TNRC6B: variants seen among roughly 807,000 people sequenced by gnomAD.
TNRC6B encodes the protein trinucleotide repeat-containing gene 6B protein.
TNRC6B carries 52 observed loss-of-function variants against 203.6 expected under a neutral mutation model. The observed-to-expected ratio is 0.26, with a 90% confidence interval of 0.20 to 0.32. The LOEUF is 0.32. Ranked by LOEUF, TNRC6B falls within the 10% of genes least tolerant of loss-of-function variation. The pLI is 1.00. For missense variants in TNRC6B, 1,923 were observed against 2,286.2 expected (o/e 0.84, Z 3.24); for synonymous variants, 838 against 845.7 (o/e 0.99, Z 0.16).
At chr22:40,301,486 T>A in intron 15 of TNRC6B, 153 bp downstream of exon 15, 1 of 841,990 alleles carries the variant, frequency 1.2e-6, no homozygotes, top group Non-Finnish European at 1.8e-6. Flanking sequence ...CATCTGAGGC[T>A]TCTTGAGTTT....
chr22:40,169,806 G>A (rs1275832381), intron 4 of TNRC6B, among the ~76,000 whole-genome samples: 1 of 152,004 alleles, frequency 6.6e-6, no homozygotes, highest in African/African-American at 2.4e-5. Context: ...CGTGTTTATA[G>A]GAAAAATTAA....
intron 1 of TNRC6B, among the ~76,000 whole-genome samples, chr22:40,071,204 A>T (rs905055423): frequency 1.3e-5 from 2 of 152,112 alleles, no homozygotes; most frequent in African/African-American, 4.8e-5. Context: ...ACACCTCTTC[A>T]CAAAGCTCAA....
At chr22:40,108,614 A>C (rs1323331563) in intron 1 of TNRC6B, among the ~76,000 whole-genome samples, 3 of 152,208 alleles carry the variant, frequency 2.0e-5, no homozygotes, top group Admixed American at 2.0e-4. Context: ...GAGTTTTTCC[A>C]GACATGTGAT....
At chr22:40,277,194 T>A (rs1314840814) in intron 8 of TNRC6B, 43 bp downstream of exon 8, 15 of 1,458,796 alleles carry the variant, frequency 1.0e-5, no homozygotes, top group Non-Finnish European at 1.4e-5. Context: ...TCCCAACTTT[T>A]AGGTTTAATA....
At position 40,120,640 on chromosome 22, in the gene TNRC6B, G is replaced by A. The variant is rs562080987; in HGVS notation, c.-47+3512G>A. The stretch of plus-strand genomic sequence containing the variant: ...GAACTTAATTCTGAGGAGGATACAT[G>A]TCAGATATAAGTTGAGATCAAAGGG... On this transcript the variant is annotated intron_variant, in intron 2 of 23. Coordinates refer to the TNRC6B transcript ENST00000301923. Among the ~76,000 whole-genome samples, 5 of 152,326 alleles carry A rather than the reference G, an allele frequency of 3.3e-5. No individual in the cohort carries two copies. In the South Asian group the frequency reaches 6.2e-4, roughly 19 times the overall value.
intron 12 of TNRC6B, among the ~76,000 whole-genome samples, chr22:40,286,556 A>C (rs1839232621): frequency 6.6e-6 from 1 of 152,146 alleles, no homozygotes; most frequent in African/African-American, 2.4e-5. Context: ...TTATTCTGAA[A>C]ATGTTGAGGA....
rs1325642993 is a variant in TNRC6B at position 40,251,205 on chromosome 22, G to A, written c.115+5G>A. On this transcript the variant is annotated splice_donor_5th_base_variant and intron_variant, in intron 3 of 22. Coordinates refer to ENST00000454349, the MANE Select transcript of TNRC6B (RefSeq NM_001162501.2). ...TCACGGAACAAAAAACCAAAGGTAA[G>A]ATCTTTTTTTTCTTTTTAAATTATT... The A allele has an allele frequency of 6.5e-7, 1 of 1,530,454 alleles. No homozygotes were observed. Among genetic ancestry groups the A allele is most frequent in the Non-Finnish European group, 8.8e-7 (1 of 1,135,270 alleles). 94.8% of individuals were successfully genotyped at this position (1,530,454 alleles called of 1,614,324 possible). A position where few individuals can be genotyped will look rare whatever the true frequency, so the allele number is the denominator to read the frequency against.
chr22:40,315,261 CCTTA>C lies in TNRC6B; in HGVS notation c.4679-21_4679-18del. The stretch of plus-strand genomic sequence containing the variant: ...AGTGAACCGTCTAACCTTATTCCTT[CCTTA>C]ATTTTCTCTTCTTACAGCAAAGTTC... On this transcript the variant is annotated intron_variant, in intron 19 of 22. Transcript: ENST00000454349. The C allele has an allele frequency of 6.2e-7, 1 of 1,602,262 alleles. No individual in the cohort carries two copies. The highest frequency in any genetic ancestry group is 8.6e-7 in the Non-Finnish European group (1 of 1,169,522).
chr22:40,320,889 ACT>A (rs2071325904), intron 21 of TNRC6B, among the ~76,000 whole-genome samples, 199 bp from the exon 22 acceptor site: 1 of 151,908 alleles, frequency 6.6e-6, no homozygotes, highest in Admixed American at 6.6e-5. Flanking sequence ...TCCTTTTTTG[ACT>A]CTACAAGTTA....
At chr22:40,080,569 C>T (rs1430084904) in intron 1 of TNRC6B, among the ~76,000 whole-genome samples, 1 of 152,118 alleles carries the variant, frequency 6.6e-6, no homozygotes, top group African/African-American at 2.4e-5. Context: ...AGCTGCCACT[C>T]ACCTGTAACC....
chr22:40,127,005 A>G (rs1407516264), intron 3 of TNRC6B, among the ~76,000 whole-genome samples: 1 of 149,350 alleles, frequency 6.7e-6, no homozygotes, highest in Non-Finnish European at 1.5e-5. Context: ...TTGTATGTAA[A>G]TATATATAAT....
intron 9 of TNRC6B, among the ~76,000 whole-genome samples, 178 bp from the exon 10 acceptor site, chr22:40,279,817 C>T (rs534879744): frequency 6.6e-6 from 1 of 152,214 alleles, no homozygotes; most frequent in African/African-American, 2.4e-5. Context: ...CATGTGTGTT[C>T]CAGGGACAAA....
At chr22:40,207,831 G>T (rs778931732) in intron 1 of TNRC6B, among the ~76,000 whole-genome samples, 1 of 151,900 alleles carries the variant, frequency 6.6e-6, no homozygotes, top group Non-Finnish European at 1.5e-5. Context: ...AGAAAATACC[G>T]GCCAGGAGCA....
intron 15 of TNRC6B, among the ~76,000 whole-genome samples, chr22:40,307,819 A>G (rs1041679731): frequency 1.2e-4 from 19 of 152,138 alleles, no homozygotes; most frequent in Non-Finnish European, 8.8e-5. Context: ...CCTAAAATAC[A>G]TACTAGTTAT....
At chr22:40,152,685 A>G (rs2068769861) in intron 3 of TNRC6B, among the ~76,000 whole-genome samples, 2 of 152,044 alleles carry the variant, frequency 1.3e-5, no homozygotes, top group Admixed American at 1.3e-4. Flanking sequence ...GTTGGCCAGG[A>G]TGACCTTGAT....
At chr22:40,256,538 A>G (rs2146485848) in intron 3 of TNRC6B, among the ~76,000 whole-genome samples, 1 of 152,336 alleles carries the variant, frequency 6.6e-6, no homozygotes, top group South Asian at 2.1e-4. Context: ...ACAATATTTC[A>G]AGACGTGAAA....
At chr22:40,109,346 G>A (rs535002070) in intron 1 of TNRC6B, among the ~76,000 whole-genome samples, 34 of 152,170 alleles carry the variant, frequency 2.2e-4, no homozygotes, top group Non-Finnish European at 4.6e-4. Context: ...CTAGGTCATT[G>A]AGGAATCACC....
intron 16 of TNRC6B, among the ~76,000 whole-genome samples, chr22:40,309,212 CT>C (rs1281593570): frequency 2.0e-5 from 3 of 152,232 alleles, no homozygotes; most frequent in African/African-American, 4.8e-5. Flanking sequence ...TCTATAAGGG[CT>C]TCTCCATTTC....
chr22:40,143,165 C>T (rs768361731), intron 3 of TNRC6B, among the ~76,000 whole-genome samples: 5 of 152,218 alleles, frequency 3.3e-5, no homozygotes, highest in East Asian at 3.8e-4. Flanking sequence ...CACAGTGGCT[C>T]ATGCCTATAA....
Sources: allele counts gnomAD v4.1 joint callset (sites outside exome capture counted in the v4.1 genomes callset), GRCh38; gene constraint gnomAD v4.1.1; transcripts MANE v1.5; gene names NCBI Gene and HGNC (gene_info 2026-07-23, HGNC 2026-07-21).